Variants in SAMD5 observed in about 807,000 individuals in gnomAD.
The protein encoded by SAMD5 is sterile alpha motif domain containing 5.
A neutral mutation model predicts 11.3 loss-of-function variants in SAMD5; 13 were observed. The observed-to-expected ratio is 1.15, with a 90% CI of 0.75 to 1.83. The LOEUF (loss-of-function observed/expected upper bound fraction) is 1.83, where lower values mean the gene tolerates loss of function less well. Among genes scored for constraint, SAMD5 ranks in the 40% most tolerant of loss-of-function variants. The pLI, the probability that SAMD5 is intolerant of heterozygous loss-of-function variation, is 0.00. For missense variants in SAMD5, 255 were observed against 239.1 expected, an observed-to-expected ratio of 1.07 and a Z score of -0.44; for synonymous variants, 129 against 111.3, an observed-to-expected ratio of 1.16 and a Z score of -1.00.
In SAMD5 at chr6:147,620,983, TGTGTGTGC is replaced by T. The variant is rs770236644; in HGVS notation, c.162+111598_162+111605del. ...GCCTCTGTGTGTGTGTGTGTGTGTGTGTGTGTGCGCGCGCGCACATGCGCGCGCATGTA... is the reference window on the plus strand; with the variant it reads ...GCCTCTGTGTGTGTGTGTGTGTGTGTGCGCGCGCACATGCGCGCGCATGTA... On this transcript the variant is annotated intron_variant, in intron 1 of 1. Coordinates refer to the SAMD5 transcript ENST00000566741. 2.1e-4 allele frequency among the ~76,000 whole-genome samples: 24 copies of T among 115,998 alleles called. 2 individuals are homozygous for T. Among genetic ancestry groups the T allele is most frequent in the South Asian group, 6.8e-4 (2 of 2,960 alleles). 76.1% of individuals were successfully genotyped at this position (115,998 alleles called of 152,430 possible).
chr6:147,882,978 G>A, the SAMD5 span, among the ~76,000 whole-genome samples: 1 of 152,166 alleles, frequency 6.6e-6, no homozygotes, highest in South Asian at 2.1e-4. Context: ...TAGTTTATTA[G>A]CTTGGTTCAG....
intron 1 of SAMD5, among the ~76,000 whole-genome samples, chr6:147,596,925 T>C (rs533311629): frequency 1.1e-4 from 17 of 152,192 alleles, no homozygotes; most frequent in African/African-American, 3.6e-4. Context: ...TCAGAGGAAA[T>C]GGGTTACTTT....
intron 1 of SAMD5, among the ~76,000 whole-genome samples, chr6:147,605,022 G>C (rs768202270): frequency 1.3e-5 from 2 of 152,200 alleles, no homozygotes; most frequent in Non-Finnish European, 1.5e-5. Flanking sequence ...TTATGGTCTG[G>C]TTACATTTCC....
At chr6:147,909,639 T>TTTCTTTCTTTCTTTCTTTCTTTCTTTC in the SAMD5 span, among the ~76,000 whole-genome samples, 3 of 138,952 alleles carry the variant, frequency 2.2e-5, no homozygotes, top group African/African-American at 9.3e-5. Context: ...TTTCTCTTTC[T>TTTCTTTCTTTCTTTCTTTCTTTCTTTC]TGTCTTTTGT....
At chr6:147,516,569 T>G (rs1788174346) in intron 1 of SAMD5, among the ~76,000 whole-genome samples, 1 of 152,186 alleles carries the variant, frequency 6.6e-6, no homozygotes, top group Non-Finnish European at 1.5e-5. Flanking sequence ...TGCCACAAAC[T>G]AGGTGTCTAA....
chr6:147,828,689 C>T, the SAMD5 span, among the ~76,000 whole-genome samples: 7,748 of 152,230 alleles, frequency 0.051, 656 homozygotes, highest in African/African-American at 0.18. Flanking sequence ...TAGGACCTCA[C>T]CTTGTGATGG....
intron 1 of SAMD5, among the ~76,000 whole-genome samples, chr6:147,737,066 AT>A (rs1562363553): frequency 6.6e-6 from 1 of 152,148 alleles, no homozygotes; most frequent in African/African-American, 2.4e-5. Context: ...TAACTTTGCA[AT>A]GCATGTATAT....
chr6:147,748,419 C>T, the SAMD5 span, among the ~76,000 whole-genome samples: 312 of 152,262 alleles, frequency 2.0e-3, 1 homozygote, highest in African/African-American at 6.8e-3. Context: ...TAATGCCCAC[C>T]GCATATGGTG....
chr6:147,728,434 A>G (rs1381444585), intron 1 of SAMD5, among the ~76,000 whole-genome samples: 2 of 152,158 alleles, frequency 1.3e-5, no homozygotes, highest in Admixed American at 6.5e-5. Flanking sequence ...GAAACAAACA[A>G]ACAAACAAAC....
At chr6:147,635,974 C>A (rs1490311703) in intron 1 of SAMD5, among the ~76,000 whole-genome samples, 1 of 152,166 alleles carries the variant, frequency 6.6e-6, no homozygotes, top group East Asian at 1.9e-4. Context: ...GTATCTATTA[C>A]AATAGGATCT....
intron 1 of SAMD5, among the ~76,000 whole-genome samples, chr6:147,520,829 A>G (rs1788242623): frequency 6.6e-6 from 1 of 152,172 alleles, no homozygotes; most frequent in Non-Finnish European, 1.5e-5. Context: ...AAATCAAGCT[A>G]GCTTATCCAT....
chr6:147,557,277 C>T (rs7757890), intron 1 of SAMD5, among the ~76,000 whole-genome samples: 8,198 of 152,236 alleles, frequency 0.054, 359 homozygotes, highest in African/African-American at 0.12. Flanking sequence ...GATTAAAAAA[C>T]ATTTCTAATA....
chr6:147,613,484 C>A (rs1301255932), intron 1 of SAMD5, among the ~76,000 whole-genome samples: 1 of 151,810 alleles, frequency 6.6e-6, no homozygotes, highest in African/African-American at 2.4e-5. Flanking sequence ...TCTTCCACTG[C>A]CACCTTGAGA....
At chr6:147,842,979 C>T in the SAMD5 span, among the ~76,000 whole-genome samples, 1 of 152,158 alleles carries the variant, frequency 6.6e-6, no homozygotes, top group Non-Finnish European at 1.5e-5. Context: ...CCCACCTCAG[C>T]CTCTCAAGTA....
At chr6:147,783,507 T>A in the SAMD5 span, among the ~76,000 whole-genome samples, 130 of 152,066 alleles carry the variant, frequency 8.5e-4, no homozygotes, top group African/African-American at 2.8e-3. Flanking sequence ...GATTCTCCTG[T>A]CTTAGCCTTC....
intron 1 of SAMD5, among the ~76,000 whole-genome samples, chr6:147,557,978 A>C (rs2128443764): frequency 6.6e-6 from 1 of 152,316 alleles, no homozygotes; most frequent in African/African-American, 2.4e-5. Context: ...GTAAAAGTGT[A>C]CGTTCACATC....
At chr6:147,612,184 G>A (rs1259147668) in intron 1 of SAMD5, among the ~76,000 whole-genome samples, 3 of 152,050 alleles carry the variant, frequency 2.0e-5, no homozygotes, top group Admixed American at 2.0e-4. Context: ...CCCATCTCTC[G>A]TCATGATGGG....
intron 1 of SAMD5, among the ~76,000 whole-genome samples, chr6:147,600,194 G>A (rs1267072501): frequency 2.0e-5 from 3 of 152,160 alleles, no homozygotes; most frequent in Non-Finnish European, 4.4e-5. Context: ...AAGGGTCGTA[G>A]GAATGGTTCC....
the SAMD5 span, among the ~76,000 whole-genome samples, chr6:147,886,869 C>T: frequency 4.6e-5 from 7 of 152,198 alleles, no homozygotes; most frequent in African/African-American, 1.7e-4. Flanking sequence ...CCCAGCCCTA[C>T]AGCTACAAGC....
Sources: allele counts gnomAD v4.1 joint callset (sites outside exome capture counted in the v4.1 genomes callset), GRCh38; gene constraint gnomAD v4.1.1; transcripts MANE v1.5; gene names NCBI Gene and HGNC (gene_info 2026-07-23, HGNC 2026-07-21).